The following CHST11 variants were observed in gnomAD, a reference collection of about 807,000 sequenced individuals.
CHST11 encodes the protein carbohydrate sulfotransferase 11, also known as C4S-1.
A neutral mutation model predicts 30.4 loss-of-function variants in CHST11; 9 were observed. The ratio of observed to expected loss-of-function variants is 0.30; its 90% CI spans 0.18 to 0.52. The LOEUF (loss-of-function observed/expected upper bound fraction) is 0.52, where lower values mean the gene tolerates loss of function less well. CHST11 is among the 20% of genes least tolerant of loss of function. CHST11 has a pLI of 0.97. For synonymous variants in CHST11, 152 were observed against 187.8 expected (o/e 0.81, Z 1.56); for missense variants, 348 against 460.6 (o/e 0.76, Z 2.24).
intron 1 of CHST11, among the ~76,000 whole-genome samples, chr12:104,489,754 C>T (rs1328260378): frequency 3.9e-5 from 6 of 152,144 alleles, no homozygotes; most frequent in African/African-American, 1.4e-4. Context: ...TGAGCCACTG[C>T]GCCCGGCCAG....
At chr12:104,493,418 C>T (rs2037768943) in intron 1 of CHST11, among the ~76,000 whole-genome samples, 1 of 150,974 alleles carries the variant, frequency 6.6e-6, no homozygotes, top group African/African-American at 2.4e-5. Flanking sequence ...TGAAGTACAC[C>T]TGTCATTCCC....
At chr12:104,686,836 C>A (rs2039851049) in intron 2 of CHST11, among the ~76,000 whole-genome samples, 1 of 152,082 alleles carries the variant, frequency 6.6e-6, no homozygotes, top group Non-Finnish European at 1.5e-5. Flanking sequence ...TTAGCAGAAG[C>A]AGGGTTTCAC....
At chr12:104,513,123 T>TGGGGGGGGGGGGGGGGGGGGGGGGG (rs35526507) in intron 1 of CHST11, among the ~76,000 whole-genome samples, 1 of 3,384 alleles carries the variant, frequency 3.0e-4, no homozygotes, top group Non-Finnish European at 7.0e-4. Flanking sequence ...ATGTCATGAC[T>TGGGGGGGGGGGGGGGGGGGGGGGGG]GGGGGGGGGG....
chr12:104,632,038 G>T (rs2039275865), intron 2 of CHST11, among the ~76,000 whole-genome samples: 1 of 152,182 alleles, frequency 6.6e-6, no homozygotes, highest in Non-Finnish European at 1.5e-5. Context: ...TCGAGGGGCC[G>T]ACTCTTTAGC....
At chr12:104,516,926 G>T (rs1416757655) in intron 1 of CHST11, among the ~76,000 whole-genome samples, 1 of 152,142 alleles carries the variant, frequency 6.6e-6, no homozygotes, top group Non-Finnish European at 1.5e-5. Context: ...GGAGCAAAAT[G>T]TTCCTGTTTG....
intron 1 of CHST11, among the ~76,000 whole-genome samples, chr12:104,460,667 A>G (rs1409778981): frequency 1.3e-5 from 2 of 149,398 alleles, no homozygotes; most frequent in Admixed American, 1.3e-4. Flanking sequence ...GTGTCTCAAA[A>G]AAAAAAAAAA....
chr12:104,472,658 T>A (rs2037522179), intron 1 of CHST11, among the ~76,000 whole-genome samples: 1 of 152,242 alleles, frequency 6.6e-6, no homozygotes, highest in African/African-American at 2.4e-5. Flanking sequence ...CAAGGAACAT[T>A]CATTCTATTA....
At chr12:104,494,771 T>A (rs1298892815) in intron 1 of CHST11, among the ~76,000 whole-genome samples, 3 of 152,194 alleles carry the variant, frequency 2.0e-5, no homozygotes, top group Non-Finnish European at 4.4e-5. Flanking sequence ...GTGTTTTGTT[T>A]TGTGGGTAGA....
intron 1 of CHST11, among the ~76,000 whole-genome samples, chr12:104,582,632 A>G (rs538338009): frequency 1.1e-4 from 17 of 152,074 alleles, no homozygotes; most frequent in Non-Finnish European, 2.2e-4. Context: ...GATAATAAAC[A>G]TTTCCCTGCT....
chr12:104,481,310 C>T (rs1207396373), intron 1 of CHST11, among the ~76,000 whole-genome samples: 2 of 152,182 alleles, frequency 1.3e-5, no homozygotes, highest in East Asian at 3.8e-4. Flanking sequence ...TGCCACGTCA[C>T]GAATTTTGCA....
chr12:104,653,936 A>G (rs115684283), intron 2 of CHST11, among the ~76,000 whole-genome samples: 3,462 of 152,202 alleles, frequency 0.023, 125 homozygotes, highest in African/African-American at 0.078. Context: ...GGGGGCCAAG[A>G]TTCTTTTCCC....
chr12:104,681,147 G>C (rs1282465610), intron 2 of CHST11, among the ~76,000 whole-genome samples: 2 of 152,236 alleles, frequency 1.3e-5, no homozygotes, highest in African/African-American at 4.8e-5. Flanking sequence ...CACTTCTCTA[G>C]TAACACATCA....
chr12:104,617,848 A>G (rs1323074019), intron 2 of CHST11, among the ~76,000 whole-genome samples: 1 of 152,178 alleles, frequency 6.6e-6, no homozygotes, highest in African/African-American at 2.4e-5. Context: ...GATTTGTGTA[A>G]AGTGCCTAGA....
rs1439489189 is a variant in CHST11, at chr12:104,531,465, C to CA, written c.119-70426dup. Among the ~76,000 whole-genome samples the CA allele has an allele frequency of 8.6e-3, 1,030 of 119,828 alleles. 15 individuals are homozygous for CA. Among genetic ancestry groups the CA allele is most frequent in the African/African-American group, 0.026 (799 of 30,696 alleles). The allele number at this position is 119,828 out of a possible 152,430, so 78.6% of individuals were successfully genotyped here. A position where few individuals can be genotyped will look rare whatever the true frequency, so the allele number is the denominator to read the frequency against. Reference sequence around the variant, plus strand: ...TGGCAACAGAGGGAGATCCTGTGTCCAAAAAAAAAAAAAAAGAGAGAGAGA... The same window carrying CA: ...TGGCAACAGAGGGAGATCCTGTGTCCAAAAAAAAAAAAAAAAGAGAGAGAGA... On this transcript the variant is annotated intron_variant, in intron 1 of 2. Coordinates refer to ENST00000303694, the MANE Select transcript of CHST11 (RefSeq NM_018413.6).
chr12:104,722,624 C>T (rs531454746), intron 2 of CHST11, among the ~76,000 whole-genome samples: 72 of 152,106 alleles, frequency 4.7e-4, no homozygotes, highest in Middle Eastern at 6.8e-3. Context: ...CTATGGTGGA[C>T]GTAGCCTGGC....
chr12:104,457,370 G>A lies in CHST11; in HGVS notation c.-42G>A, dbSNP rs1331399837. The A allele has an allele frequency of 6.7e-7, 1 of 1,485,228 alleles. No individual in the cohort carries two copies. Among genetic ancestry groups the A allele is most frequent in the Admixed American group, 1.7e-5 (1 of 57,494 alleles). 92.0% of individuals were successfully genotyped at this position (1,485,228 alleles called of 1,614,324 possible). On this transcript the variant is annotated 5_prime_UTR_variant, in exon 1 of 3. Coordinates refer to ENST00000303694, the MANE Select transcript of CHST11 (RefSeq NM_018413.6). Reference sequence around the variant, plus strand: ...GGGTCCCTGCTCCTGCGCCCCGGGCGCGCTTCCCGGACACCCCGGTCCCCG... The same window carrying A: ...GGGTCCCTGCTCCTGCGCCCCGGGCACGCTTCCCGGACACCCCGGTCCCCG...
intron 1 of CHST11, among the ~76,000 whole-genome samples, chr12:104,544,172 A>C (rs1472635417): frequency 7.0e-6 from 1 of 142,884 alleles, no homozygotes; most frequent in Non-Finnish European, 1.5e-5. Context: ...GAAAGAAAGA[A>C]AGAAAGAAAG....
At chr12:104,683,593 C>T (rs1184966615) in intron 2 of CHST11, among the ~76,000 whole-genome samples, 1 of 152,154 alleles carries the variant, frequency 6.6e-6, no homozygotes, top group East Asian at 1.9e-4. Context: ...ATGAGATTCC[C>T]CTTTCAGCCA....
chr12:104,686,587 CA>C (rs2039848600), intron 2 of CHST11, among the ~76,000 whole-genome samples: 1 of 152,192 alleles, frequency 6.6e-6, no homozygotes, highest in East Asian at 1.9e-4. Context: ...TCAAAAGTTA[CA>C]AAGTAACTGC....
Sources: gnomAD v4.1 joint callset for allele counts (sites outside exome capture counted in the v4.1 genomes callset) on GRCh38, gnomAD v4.1.1 for gene constraint, MANE v1.5 for transcripts, NCBI Gene and HGNC (gene_info 2026-07-23, HGNC 2026-07-21) for gene names.